Variants in AGBL4 observed in about 807,000 individuals in gnomAD.
AGBL4 encodes AGBL carboxypeptidase 4, also known as cytosolic carboxypeptidase 6.
In AGBL4, 58 loss-of-function variants were observed where a neutral mutation model predicts 66.4. The ratio of observed to expected loss-of-function variants is 0.87; its 90% CI spans 0.71 to 1.09. AGBL4 has a LOEUF of 1.09. Among genes scored for constraint, AGBL4 ranks in the 50% least tolerant of loss-of-function variants. The probability of loss-of-function intolerance (pLI) is 0.00; values close to 1 mark genes in which losing one functional copy is unlikely to be tolerated. For synonymous variants in AGBL4, 234 were observed against 222.9 expected, an observed-to-expected ratio of 1.05 and a Z score of -0.44; for missense variants, 579 against 631.0, an observed-to-expected ratio of 0.92 and a Z score of 0.88.
chr1:49,460,615 G>T (rs999208092), intron 3 of AGBL4, among the ~76,000 whole-genome samples: 1 of 151,622 alleles, frequency 6.6e-6, no homozygotes, highest in Non-Finnish European at 1.5e-5. Context: ...GAGATGTGAG[G>T]TGCTATTCTA....
At chr1:49,239,710 A>G (rs772620152) in intron 4 of AGBL4, among the ~76,000 whole-genome samples, 5 of 152,142 alleles carry the variant, frequency 3.3e-5, no homozygotes, top group Admixed American at 6.6e-5. Context: ...TTAATTTATA[A>G]ATAGACATTT....
chr1:49,064,689 A>C (rs571720056), intron 4 of AGBL4, among the ~76,000 whole-genome samples: 108 of 152,272 alleles, frequency 7.1e-4, no homozygotes, highest in Non-Finnish European at 8.5e-4. Flanking sequence ...ACAATGAAAA[A>C]ACCAATATAA....
At chr1:48,761,524 T>A in intron 6 of AGBL4, 1 of 1,519,646 alleles carries the variant, frequency 6.6e-7, no homozygotes, top group East Asian at 2.5e-5. Context: ...TGAGTCATTA[T>A]GAGTTTAGAA....
At chr1:49,654,891 G>A (rs1394032375) in intron 3 of AGBL4, among the ~76,000 whole-genome samples, 1 of 152,116 alleles carries the variant, frequency 6.6e-6, no homozygotes, top group African/African-American at 2.4e-5. Context: ...GCCAGTCTGT[G>A]TCTTTTAACT....
At chr1:49,422,164 T>C (rs745507669) in intron 3 of AGBL4, among the ~76,000 whole-genome samples, 11 of 152,182 alleles carry the variant, frequency 7.2e-5, no homozygotes, top group Non-Finnish European at 1.5e-4. Flanking sequence ...GCAATATAGA[T>C]GCAGGCACAA....
chr1:48,548,660 C>G (rs1390334572), intron 11 of AGBL4, among the ~76,000 whole-genome samples: 1 of 152,202 alleles, frequency 6.6e-6, no homozygotes, highest in Non-Finnish European at 1.5e-5. Context: ...TTCTCACTCC[C>G]TGCAGCTCTT....
intron 4 of AGBL4, among the ~76,000 whole-genome samples, chr1:49,062,454 C>T (rs1319005057): frequency 2.0e-5 from 3 of 152,176 alleles, no homozygotes; most frequent in African/African-American, 7.2e-5. Flanking sequence ...CACCATGAAT[C>T]CCTACTGGCT....
At chr1:50,014,167 T>G (rs1488512990) in intron 1 of AGBL4, among the ~76,000 whole-genome samples, 1 of 151,784 alleles carries the variant, frequency 6.6e-6, no homozygotes, top group Non-Finnish European at 1.5e-5. Context: ...GGTCAAGAGA[T>G]CGAGACCATC....
chr1:49,160,167 C>CT (rs1225538281), intron 4 of AGBL4, among the ~76,000 whole-genome samples: 1 of 152,140 alleles, frequency 6.6e-6, no homozygotes, highest in African/African-American at 2.4e-5. Flanking sequence ...AATTTTCAGC[C>CT]TTTTTTGCAC....
intron 8 of AGBL4, among the ~76,000 whole-genome samples, chr1:48,648,145 C>T (rs1022568077): frequency 2.6e-5 from 4 of 152,098 alleles, no homozygotes; most frequent in African/African-American, 9.7e-5. Context: ...CTACCAACAA[C>T]ACCATCCATC....
rs59714526 is a variant in AGBL4 at position 48,956,475 on chromosome 1, C to T, written c.594+89109G>A. 3.4e-3 allele frequency among the ~76,000 whole-genome samples: 525 copies of T among 152,274 alleles called. 2 individuals carry two copies. Among genetic ancestry groups the T allele is most frequent in the African/African-American group, 0.012 (492 of 41,544 alleles). On this transcript the variant is annotated intron_variant, in intron 5 of 13. Transcript: ENST00000371839. ...TTTCTTATAGAAATATTTAAAAGAA[C>T]CTCATACCTTTCTTTAAAAATTTTC...
At chr1:49,441,505 G>A (rs1421579418) in intron 3 of AGBL4, among the ~76,000 whole-genome samples, 1 of 152,132 alleles carries the variant, frequency 6.6e-6, no homozygotes, top group African/African-American at 2.4e-5. Context: ...AAATGTTTAG[G>A]GAGATTGTGA....
rs745629276 is a variant in AGBL4 at position 49,490,842 on chromosome 1, A to G, written c.282+206471T>C. ...ATGCTATAACTGGAAAGAAAACACA[A>G]TAAAAACAAAAACTCAATTAAAGAA... On this transcript the variant is annotated intron_variant, in intron 3 of 13. Coordinates refer to ENST00000371839, the MANE Select transcript of AGBL4 (RefSeq NM_032785.4). Among the ~76,000 whole-genome samples the G allele has an allele frequency of 5.5e-4, 84 of 151,856 alleles. 1 individual carries two copies. The highest frequency in any genetic ancestry group is 1.0e-3 in the Non-Finnish European group (68 of 67,824).
chr1:49,874,841 ATACTT>A (rs1436799323), intron 1 of AGBL4, among the ~76,000 whole-genome samples: 2 of 151,978 alleles, frequency 1.3e-5, no homozygotes, highest in African/African-American at 4.8e-5. Flanking sequence ...TACTATTATT[ATACTT>A]TAAGTTTTAG....
At chr1:48,874,021 C>T (rs973886361) in intron 5 of AGBL4, among the ~76,000 whole-genome samples, 2 of 152,098 alleles carry the variant, frequency 1.3e-5, no homozygotes, top group East Asian at 1.9e-4. Context: ...TTCTGTGTTT[C>T]GTGCAAGATA....
chr1:49,846,833 T>C (rs1646159920), intron 2 of AGBL4, among the ~76,000 whole-genome samples: 1 of 152,200 alleles, frequency 6.6e-6, no homozygotes, highest in South Asian at 2.1e-4. Context: ...GAATTAATAC[T>C]GTTAAAGTGA....
intron 3 of AGBL4, among the ~76,000 whole-genome samples, chr1:49,579,931 T>A (rs1026069367): frequency 1.3e-5 from 2 of 152,228 alleles, no homozygotes; most frequent in Non-Finnish European, 2.9e-5. Flanking sequence ...GGTATTCTGA[T>A]ATTGCAGGCT....
intron 6 of AGBL4, among the ~76,000 whole-genome samples, chr1:48,798,163 T>C (rs1482882392): frequency 2.6e-5 from 4 of 152,336 alleles, no homozygotes; most frequent in Admixed American, 6.5e-5. Flanking sequence ...TTTTAAATTA[T>C]GGCCATTCTT....
At chr1:50,021,936 C>T (rs1418746568) in intron 1 of AGBL4, among the ~76,000 whole-genome samples, 1 of 152,144 alleles carries the variant, frequency 6.6e-6, no homozygotes, top group Non-Finnish European at 1.5e-5. Context: ...TCTCTCTTCC[C>T]ATTGCCCCAC....
Sources: gnomAD v4.1 joint callset for allele counts (sites outside exome capture counted in the v4.1 genomes callset) on GRCh38, gnomAD v4.1.1 for gene constraint, MANE v1.5 for transcripts, NCBI Gene and HGNC (gene_info 2026-07-23, HGNC 2026-07-21) for gene names.